The following MYO16 variants were observed in gnomAD, a reference collection of about 807,000 sequenced individuals.
The protein encoded by MYO16 is unconventional myosin-XVI.
A neutral mutation model predicts 205.3 loss-of-function variants in MYO16; 94 were observed. The ratio of observed to expected loss-of-function variants is 0.46; its 90% CI spans 0.39 to 0.54. The LOEUF (loss-of-function observed/expected upper bound fraction) is 0.54. Among genes scored for constraint, MYO16 ranks in the 20% least tolerant of loss-of-function variants. MYO16 has a pLI of 0.00. For synonymous variants in MYO16, 988 were observed against 954.0 expected (o/e 1.04, Z -0.66); for missense variants, 2,315 against 2,387.5 (o/e 0.97, Z 0.63).
At chr13:109,038,113 C>G (rs1342998812) in intron 23 of MYO16, among the ~76,000 whole-genome samples, 2 of 152,172 alleles carry the variant, frequency 1.3e-5, no homozygotes, top group Non-Finnish European at 2.9e-5. Flanking sequence ...CCAACATGAT[C>G]GATCATCAAG....
chr13:109,096,959 AC>A lies in MYO16; in HGVS notation c.3336-3825del, dbSNP rs1000580715. 8.5e-5 allele frequency among the ~76,000 whole-genome samples: 13 copies of A among 152,334 alleles called. No homozygotes were observed. In the East Asian group the frequency reaches 2.5e-3, roughly 29 times the overall value. Reference sequence around the variant, plus strand: ...AATTCAGTTTCTTTCCCATTTGAACACATTGTACAGTTATATCACTTGTCAC... The same window carrying A: ...AATTCAGTTTCTTTCCCATTTGAACAATTGTACAGTTATATCACTTGTCAC... On this transcript the variant is annotated intron_variant, in intron 27 of 34. Coordinates refer to ENST00000457511, the MANE Select transcript of MYO16 (RefSeq NM_001198950.3).
chr13:108,591,996 C>A (rs989268242), upstream of MYO16, among the ~76,000 whole-genome samples: 9 of 131,022 alleles, frequency 6.9e-5, no homozygotes, highest in Admixed American at 6.3e-4. Flanking sequence ...TAAAAAGATA[C>A]AAAATAGAGG....
chr13:108,676,628 T>C (rs1040048809), intron 2 of MYO16, among the ~76,000 whole-genome samples: 4 of 152,078 alleles, frequency 2.6e-5, no homozygotes, highest in Non-Finnish European at 5.9e-5. Context: ...GGGGAGAGTG[T>C]GGGCACACAC....
At chr13:108,840,515 G>C (rs1877189596) in intron 9 of MYO16, among the ~76,000 whole-genome samples, 1 of 152,084 alleles carries the variant, frequency 6.6e-6, no homozygotes, top group African/African-American at 2.4e-5. Context: ...AATGGAAATT[G>C]GAATTTTATT....
intron 28 of MYO16, among the ~76,000 whole-genome samples, chr13:109,106,115 G>A (rs183956439): frequency 8.9e-4 from 136 of 152,322 alleles, no homozygotes; most frequent in Non-Finnish European, 1.6e-3. Flanking sequence ...AGACCTGCAT[G>A]ACTAACTTCT....
At chr13:108,735,828 C>T (rs1323417338) in intron 4 of MYO16, among the ~76,000 whole-genome samples, 7 of 151,166 alleles carry the variant, frequency 4.6e-5, no homozygotes, top group East Asian at 1.9e-4. Flanking sequence ...TTTTAATGAT[C>T]ACCATTCTAA....
intron 34 of MYO16, among the ~76,000 whole-genome samples, chr13:109,188,567 A>G (rs1286380287): frequency 1.3e-5 from 2 of 152,226 alleles, no homozygotes; most frequent in Non-Finnish European, 2.9e-5. Context: ...ATGAATATAT[A>G]AAGGGGAGTT....
chr13:109,022,156 TTTATATATACAAA>T, intron 23 of MYO16, among the ~76,000 whole-genome samples: 1 of 138,132 alleles, frequency 7.2e-6, no homozygotes, highest in Non-Finnish European at 1.5e-5. Flanking sequence ...TATATACAAA[TTTATATATACAAA>T]TATATATTTA....
At chr13:109,051,662 T>G (rs577255773) in intron 24 of MYO16, among the ~76,000 whole-genome samples, 1 of 152,334 alleles carries the variant, frequency 6.6e-6, no homozygotes, top group Admixed American at 6.5e-5. Flanking sequence ...AAGAAAGGAA[T>G]ATGGACTCAT....
rs567214060 is a variant in MYO16, at chr13:108,597,716, T to A, written c.-39+1477T>A. On this transcript the variant is annotated intron_variant, in intron 1 of 24. Coordinates refer to the MYO16 transcript ENST00000251041. ...ATTTCAGTCAGCCATGGTTTGCTTTTGATCAGCTTGAAACATACAAAATTG... is the reference window on the plus strand; with the variant it reads ...ATTTCAGTCAGCCATGGTTTGCTTTAGATCAGCTTGAAACATACAAAATTG... Among the ~76,000 whole-genome samples the A allele has an allele frequency of 1.5e-3, 230 of 152,310 alleles. 1 individual carries two copies. Among genetic ancestry groups the A allele is most frequent in the Non-Finnish European group, 2.7e-3 (181 of 68,032 alleles).
intron 4 of MYO16, among the ~76,000 whole-genome samples, chr13:108,736,881 G>A (rs930760617): frequency 6.6e-6 from 1 of 152,094 alleles, no homozygotes; most frequent in East Asian, 1.9e-4. Flanking sequence ...GGATTCCTAG[G>A]TATTTTATTC....
intron 9 of MYO16, among the ~76,000 whole-genome samples, chr13:108,843,195 T>C (rs1447400920): frequency 6.6e-6 from 1 of 151,862 alleles, no homozygotes; most frequent in African/African-American, 2.4e-5. Flanking sequence ...TTAATAGAAT[T>C]GTAGTTGCCT....
chr13:108,518,689 A>G, the MYO16 span, among the ~76,000 whole-genome samples: 1 of 152,186 alleles, frequency 6.6e-6, no homozygotes, highest in South Asian at 2.1e-4. Flanking sequence ...ATAAAGTCAA[A>G]ACAACGGAAA....
At chr13:108,526,444 G>T in the MYO16 span, among the ~76,000 whole-genome samples, 1 of 151,958 alleles carries the variant, frequency 6.6e-6, no homozygotes, top group African/African-American at 2.4e-5. Context: ...TGATCTTTAA[G>T]ATTTGTTGTT....
chr13:108,878,273 C>A (rs1166423305), intron 12 of MYO16, among the ~76,000 whole-genome samples: 2 of 151,972 alleles, frequency 1.3e-5, no homozygotes, highest in Admixed American at 6.6e-5. Context: ...CATCCTGTAC[C>A]CCCAAACACC....
chr13:109,182,130 CAT>C (rs1161683093), intron 34 of MYO16, among the ~76,000 whole-genome samples: 1 of 152,050 alleles, frequency 6.6e-6, no homozygotes, highest in Non-Finnish European at 1.5e-5. Context: ...TTTCATAAAA[CAT>C]AAAGAATTTT....
chr13:109,113,094 A>C (rs1408649544), intron 28 of MYO16, among the ~76,000 whole-genome samples: 2 of 152,212 alleles, frequency 1.3e-5, no homozygotes, highest in African/African-American at 4.8e-5. Flanking sequence ...ACAGGAGAAA[A>C]ATGAATTCCC....
intron 21 of MYO16, among the ~76,000 whole-genome samples, chr13:109,001,411 T>A (rs947622727): frequency 1.3e-5 from 2 of 152,086 alleles, no homozygotes; most frequent in African/African-American, 2.4e-5. Context: ...CCTCTATTTT[T>A]AAAATAAGAT....
rs4000581 is a variant in MYO16 at position 109,199,192 on chromosome 13, G to GTATATATA, written c.5416-7376_5416-7369dup. On this transcript the variant is annotated intron_variant, in intron 34 of 34. Transcript: ENST00000457511. ...TCAAGTAAATGGTTTAATAAAAAAG[G>GTATATATA]TATATATATATATATATATATATAT... 1.0e-3 allele frequency among the ~76,000 whole-genome samples: 76 copies of GTATATATA among 75,568 alleles called. 2 individuals carry two copies. Among genetic ancestry groups the GTATATATA allele is most frequent in the Middle Eastern group, 9.6e-3 (1 of 104 alleles). 49.6% of individuals were successfully genotyped at this position (75,568 alleles called of 152,430 possible).
Sources: gnomAD v4.1 joint callset for allele counts (sites outside exome capture counted in the v4.1 genomes callset) on GRCh38, gnomAD v4.1.1 for gene constraint, MANE v1.5 for transcripts, NCBI Gene and HGNC (gene_info 2026-07-23, HGNC 2026-07-21) for gene names.